The following OSBP2 variants were observed in gnomAD, a reference collection of about 807,000 sequenced individuals.
OSBP2 encodes oxysterol-binding protein 2.
Under a neutral mutation model 96.0 loss-of-function variants are expected in OSBP2, and 66 were observed. The ratio of observed to expected loss-of-function variants is 0.69; its 90% CI spans 0.56 to 0.84. OSBP2 has a LOEUF of 0.84. OSBP2 is among the 40% of genes least tolerant of loss of function. The probability of loss-of-function intolerance (pLI) is 0.00; values close to 1 mark genes in which losing one functional copy is unlikely to be tolerated. For synonymous variants in OSBP2, 525 were observed against 520.9 expected (o/e 1.01, Z -0.11); for missense variants, 1,038 against 1,222.7 (o/e 0.85, Z 2.25).
chr22:30,868,065 T>G (rs914722629), intron 2 of OSBP2, among the ~76,000 whole-genome samples: 1 of 152,248 alleles, frequency 6.6e-6, no homozygotes, highest in South Asian at 2.1e-4. Context: ...CTGGGCAATT[T>G]CAATGTACCT....
intron 2 of OSBP2, among the ~76,000 whole-genome samples, chr22:30,859,512 CCGTG>C (rs555277076): frequency 3.1e-3 from 472 of 152,322 alleles, no homozygotes; most frequent in Admixed American, 4.4e-3. Flanking sequence ...AGGCACCAGG[CCGTG>C]TGGCGAGCCC....
chr22:30,718,708 C>T (rs920348789), intron 1 of OSBP2, among the ~76,000 whole-genome samples: 6 of 152,198 alleles, frequency 3.9e-5, no homozygotes, highest in Non-Finnish European at 8.8e-5. Context: ...TTTACAACTT[C>T]GGAGTTGCAG....
chr22:30,694,164 A>G (rs750398226), upstream of OSBP2: 1 of 1,550,336 alleles, frequency 6.5e-7, no homozygotes, highest in South Asian at 1.2e-5. Flanking sequence ...TGTTTCTTGT[A>G]CTAAAACGCT....
chr22:30,728,538 C>G (rs2089692262), intron 1 of OSBP2, among the ~76,000 whole-genome samples: 1 of 151,790 alleles, frequency 6.6e-6, no homozygotes, highest in Non-Finnish European at 1.5e-5. Flanking sequence ...GCTGTGTTAC[C>G]TAGGCTAGAG....
chr22:30,818,084 G>A (rs2091102166), intron 2 of OSBP2, among the ~76,000 whole-genome samples: 1 of 152,092 alleles, frequency 6.6e-6, no homozygotes, highest in African/African-American at 2.4e-5. Context: ...TTTTTACAAA[G>A]ATGGAGTTTC....
intron 2 of OSBP2, among the ~76,000 whole-genome samples, chr22:30,772,188 T>C (rs917525921): frequency 2.0e-5 from 3 of 152,150 alleles, no homozygotes; most frequent in Non-Finnish European, 4.4e-5. Flanking sequence ...ATCCTGCAAG[T>C]TGGGACTCCC....
chr22:30,717,755 C>T (rs538750062), intron 1 of OSBP2, among the ~76,000 whole-genome samples: 2 of 152,254 alleles, frequency 1.3e-5, no homozygotes, highest in South Asian at 2.1e-4. Context: ...CAACATGACT[C>T]CCCCTCAGGA....
intron 2 of OSBP2, among the ~76,000 whole-genome samples, chr22:30,807,359 T>C (rs932103785): frequency 6.6e-6 from 1 of 152,224 alleles, no homozygotes; most frequent in Admixed American, 6.5e-5. Flanking sequence ...GGGCTCCTCA[T>C]TACTGACTCT....
intron 2 of OSBP2, among the ~76,000 whole-genome samples, chr22:30,797,207 C>T (rs1243026729): frequency 1.3e-5 from 2 of 152,180 alleles, no homozygotes; most frequent in African/African-American, 2.4e-5. Context: ...ACCAGTATTC[C>T]ACTGTATGGA....
intron 1 of OSBP2, among the ~76,000 whole-genome samples, chr22:30,722,618 C>G (rs1278240133): frequency 1.3e-5 from 2 of 151,730 alleles, no homozygotes; most frequent in African/African-American, 2.4e-5. Flanking sequence ...TCTTTCTTTT[C>G]TCTTTTTTCT....
At chr22:30,822,642 C>T in intron 2 of OSBP2, 2 of 1,533,430 alleles carry the variant, frequency 1.3e-6, no homozygotes, top group Non-Finnish European at 8.7e-7. Flanking sequence ...TGAAGGGACG[C>T]GGCTGCTGGG....
chr22:30,765,354 C>A (rs2145779823), intron 2 of OSBP2, among the ~76,000 whole-genome samples: 1 of 152,248 alleles, frequency 6.6e-6, no homozygotes, highest in South Asian at 2.1e-4. Context: ...GGATTACAGG[C>A]TTGTGCCACC....
intron 1 of OSBP2, among the ~76,000 whole-genome samples, chr22:30,698,344 C>T (rs949144012): frequency 2.0e-5 from 3 of 152,102 alleles, no homozygotes; most frequent in African/African-American, 7.2e-5. Flanking sequence ...TCAAGCTTAC[C>T]TGCTGGGCAA....
At chr22:30,804,031 T>G (rs1462388549) in intron 2 of OSBP2, among the ~76,000 whole-genome samples, 1 of 152,208 alleles carries the variant, frequency 6.6e-6, no homozygotes, top group Non-Finnish European at 1.5e-5. Flanking sequence ...GGGGGAGATG[T>G]GTTTAAACTT....
At chr22:30,900,986 A>G (rs1003417841) in intron 12 of OSBP2, among the ~76,000 whole-genome samples, 1 of 152,258 alleles carries the variant, frequency 6.6e-6, no homozygotes, top group African/African-American at 2.4e-5. Context: ...TAATCATAAT[A>G]TCTACCTACA....
At chr22:30,832,281 T>G (rs2038538805) in intron 2 of OSBP2, among the ~76,000 whole-genome samples, 1 of 152,136 alleles carries the variant, frequency 6.6e-6, no homozygotes, top group South Asian at 2.1e-4. Context: ...TAATTTTCTT[T>G]TTCTTTTTTC....
chr22:30,835,383 A>G (rs1036755850), intron 2 of OSBP2, among the ~76,000 whole-genome samples: 9 of 152,106 alleles, frequency 5.9e-5, no homozygotes, highest in African/African-American at 2.2e-4. Flanking sequence ...TTTGTTGAGA[A>G]TATTTTTGTC....
intron 1 of OSBP2, among the ~76,000 whole-genome samples, chr22:30,702,878 C>G (rs559047983): frequency 6.6e-6 from 1 of 152,326 alleles, no homozygotes; most frequent in South Asian, 2.1e-4. Flanking sequence ...GCCACTGATA[C>G]ATCCTCAGTA....
At chr22:30,726,923 G>C (rs1009716521) in intron 1 of OSBP2, among the ~76,000 whole-genome samples, 1 of 152,198 alleles carries the variant, frequency 6.6e-6, no homozygotes, top group Non-Finnish European at 1.5e-5. Flanking sequence ...CATTTGTGAT[G>C]TTGAGCATTG....
Sources: gnomAD v4.1 joint callset for allele counts (sites outside exome capture counted in the v4.1 genomes callset) on GRCh38, gnomAD v4.1.1 for gene constraint, MANE v1.5 for transcripts, NCBI Gene and HGNC (gene_info 2026-07-23, HGNC 2026-07-21) for gene names.